The following JARID2 variants were observed in gnomAD, a reference collection of about 807,000 sequenced individuals.
JARID2 encodes the protein jumonji and AT-rich interaction domain containing 2.
In JARID2, 21 loss-of-function variants were observed where a neutral mutation model predicts 125.6. That is an observed-to-expected ratio of 0.17 (90% CI 0.12 to 0.24). The LOEUF is 0.24. Among genes scored for constraint, JARID2 ranks in the 10% least tolerant of loss-of-function variants. The pLI is 1.00. For missense variants in JARID2, 1,303 were observed against 1,639.6 expected (o/e 0.79, Z 3.55); for synonymous variants, 736 against 661.6 (o/e 1.11, Z -1.73).
At chr6:15,279,794 G>A (rs1253459226) in intron 1 of JARID2, among the ~76,000 whole-genome samples, 4 of 152,066 alleles carry the variant, frequency 2.6e-5, no homozygotes, top group Non-Finnish European at 5.9e-5. Flanking sequence ...AGCCCCTATC[G>A]TCTATGGGAT....
intron 1 of JARID2, among the ~76,000 whole-genome samples, chr6:15,319,547 G>A (rs1385866273): frequency 6.6e-6 from 1 of 152,076 alleles, no homozygotes; most frequent in Non-Finnish European, 1.5e-5. Context: ...ACAAGTGTGC[G>A]CAACTGTGCC....
chr6:15,334,558 T>C (rs707831), intron 1 of JARID2, among the ~76,000 whole-genome samples: 137,182 of 152,188 alleles, frequency 0.9, 62,011 homozygotes, highest in African/African-American at 0.98. Flanking sequence ...AGTTTTTGCA[T>C]ACTCCTTTTA....
intron 2 of JARID2, among the ~76,000 whole-genome samples, chr6:15,397,404 A>T (rs9383054): frequency 1.3e-5 from 2 of 151,922 alleles, no homozygotes; most frequent in Non-Finnish European, 2.9e-5. Flanking sequence ...TCATACGACA[A>T]TCCACACCAC....
intron 3 of JARID2, among the ~76,000 whole-genome samples, chr6:15,446,107 A>T (rs958963733): frequency 2.0e-5 from 3 of 152,166 alleles, no homozygotes; most frequent in Admixed American, 1.3e-4. Flanking sequence ...CTGCTCAGAT[A>T]CCATGTGTGT....
In JARID2 at chr6:15,511,250, C is replaced by T. The variant is rs774630308; in HGVS notation, c.2847-46C>T. The T allele has an allele frequency of 3.7e-6, 5 of 1,334,852 alleles. No individual in the cohort carries two copies. In the East Asian group the frequency reaches 6.9e-5, roughly 18 times the overall value. The allele number at this position is 1,334,852 out of a possible 1,614,324, so 82.7% of individuals were successfully genotyped here. ...GGGGTGGCCCAGTACATGCAGGAGGCCCTTGTCAAGTCTCTGCTTGTCTCT... is the reference window on the plus strand; with the variant it reads ...GGGGTGGCCCAGTACATGCAGGAGGTCCTTGTCAAGTCTCTGCTTGTCTCT... On this transcript the variant is annotated intron_variant, in intron 12 of 17. Transcript: ENST00000341776.
chr6:15,510,750 G>C (rs1201125356), intron 12 of JARID2, among the ~76,000 whole-genome samples: 3 of 152,246 alleles, frequency 2.0e-5, no homozygotes, highest in Admixed American at 2.0e-4. Context: ...CAAGGAGTTG[G>C]CCTTGAGGTG....
intron 1 of JARID2, among the ~76,000 whole-genome samples, chr6:15,267,071 G>A (rs1033614884): frequency 2.6e-5 from 4 of 152,178 alleles, no homozygotes; most frequent in Admixed American, 2.0e-4. Flanking sequence ...CTGCGTGATC[G>A]AGGGTTTGGG....
chr6:15,247,994 G>A (rs972106828), intron 1 of JARID2: 2 of 985,314 alleles, frequency 2.0e-6, no homozygotes, highest in Admixed American at 6.2e-5. Flanking sequence ...AAATGGGGTA[G>A]AACTTGGACG....
chr6:15,479,304 T>A (rs1034836807), intron 5 of JARID2, among the ~76,000 whole-genome samples: 55 of 152,356 alleles, frequency 3.6e-4, no homozygotes, highest in African/African-American at 1.3e-3. Flanking sequence ...AAACCATTCA[T>A]CCTGATTTAT....
Position 15,501,014 on chromosome 6 carries a change from C to T in JARID2, c.2053C>T (p.Arg685Cys). The T allele has an allele frequency of 6.2e-7, 1 of 1,614,022 alleles. No individual in the cohort carries two copies. Among genetic ancestry groups the T allele is most frequent in the Non-Finnish European group, 8.5e-7 (1 of 1,179,868 alleles). The change falls in exon 8 of 18, where the codon CGC (arginine) becomes TGC (cysteine). Residue 685 changes from arginine (R) to cysteine (C), a missense_variant. Around this residue, in one of 11 missense-constraint regions of JARID2, gnomAD observed 64 missense variants for 166.8 expected, o/e 0.38. Coordinates refer to ENST00000341776, the MANE Select transcript of JARID2 (RefSeq NM_004973.4). ...ATGGAACAAACTAGCAGACATGCTGCGCATCCCCAGAACTGCCCAGGACCG... is the reference window on the plus strand; with the variant it reads ...ATGGAACAAACTAGCAGACATGCTGTGCATCCCCAGAACTGCCCAGGACCG... ...KKWNKLADML[R>C]IPRTAQDRLA...
chr6:15,488,313 G>A (rs936987992), intron 6 of JARID2, among the ~76,000 whole-genome samples: 5 of 152,246 alleles, frequency 3.3e-5, no homozygotes, highest in Non-Finnish European at 7.3e-5. Flanking sequence ...ATAAGGGCAG[G>A]TTCCTGCAGG....
chr6:15,365,594 A>G (rs184491103), intron 1 of JARID2, among the ~76,000 whole-genome samples: 1 of 151,774 alleles, frequency 6.6e-6, no homozygotes, highest in Non-Finnish European at 1.5e-5. Flanking sequence ...TTTCAGCAGA[A>G]GTTCTTAATC....
intron 1 of JARID2, among the ~76,000 whole-genome samples, chr6:15,371,332 T>C (rs963879622): frequency 6.6e-6 from 1 of 152,234 alleles, no homozygotes; most frequent in Admixed American, 6.5e-5. Flanking sequence ...TGGGGCCTTA[T>C]AATTTATAAA....
intron 3 of JARID2, among the ~76,000 whole-genome samples, chr6:15,416,209 T>C (rs367826828): frequency 7.0e-5 from 10 of 143,466 alleles, no homozygotes; most frequent in Admixed American, 3.5e-4. Context: ...CCAGACTGGG[T>C]AGCCAGGCCG....
At chr6:15,475,917 C>T (rs1769319907) in intron 5 of JARID2, among the ~76,000 whole-genome samples, 1 of 152,202 alleles carries the variant, frequency 6.6e-6, no homozygotes, top group Admixed American at 6.5e-5. Context: ...TGGGTGAGGG[C>T]ATCACGATTG....
intron 2 of JARID2, among the ~76,000 whole-genome samples, chr6:15,393,166 A>G (rs1341234495): frequency 2.6e-5 from 4 of 151,970 alleles, no homozygotes; most frequent in African/African-American, 4.8e-5. Flanking sequence ...TCTTTCAGCT[A>G]TCCTCATGGT....
intron 5 of JARID2, among the ~76,000 whole-genome samples, chr6:15,480,088 G>T (rs771818746): frequency 6.6e-6 from 1 of 152,196 alleles, no homozygotes; most frequent in Admixed American, 6.5e-5. Flanking sequence ...TAAATATCTG[G>T]CTTGAGATCA....
chr6:15,394,271 C>T (rs1765133378), intron 2 of JARID2, among the ~76,000 whole-genome samples: 1 of 152,162 alleles, frequency 6.6e-6, no homozygotes, highest in South Asian at 2.1e-4. Context: ...CCTTGAGACA[C>T]AGCTTACTCT....
chr6:15,479,018 C>G (rs1581622014), intron 5 of JARID2, among the ~76,000 whole-genome samples: 1 of 152,316 alleles, frequency 6.6e-6, no homozygotes, highest in South Asian at 2.1e-4. Context: ...TTCGTGTGTT[C>G]TTTACGAGTT....
Sources: allele counts gnomAD v4.1 joint callset (sites outside exome capture counted in the v4.1 genomes callset), GRCh38; gene constraint gnomAD v4.1.1; regional missense constraint gnomAD v4.1.1; transcripts MANE v1.5; gene names NCBI Gene and HGNC (gene_info 2026-07-23, HGNC 2026-07-21).